Variants in OR3A2 observed in about 807,000 individuals in gnomAD.
OR3A2 encodes olfactory receptor family 3 subfamily A member 2, also known as olfactory receptor 3A2.
For missense variants in OR3A2, 318 were observed against 392.8 expected, an observed-to-expected ratio of 0.81 and a Z score of 1.61; for synonymous variants, 126 against 159.3, an observed-to-expected ratio of 0.79 and a Z score of 1.57.
chr17:3,379,074 G>A (rs1597366286), intron 2 of OR3A2, among the ~76,000 whole-genome samples: 1 of 152,168 alleles, frequency 6.6e-6, no homozygotes, highest in African/African-American at 2.4e-5. Context: ...ACACTCCTCA[G>A]AGATCAACAA....
chr17:3,367,255 T>C (rs1285423594), intron 2 of OR3A2, among the ~76,000 whole-genome samples: 1 of 152,166 alleles, frequency 6.6e-6, no homozygotes, highest in Non-Finnish European at 1.5e-5. Context: ...AAGGTGGTTT[T>C]TGGTTACATG....
chr17:3,286,054 A>C (rs2048807985), upstream of OR3A2, among the ~76,000 whole-genome samples: 2 of 152,010 alleles, frequency 1.3e-5, no homozygotes, highest in East Asian at 1.9e-4. Context: ...TCTTAATGCT[A>C]TCCCTCCCCT....
intron 2 of OR3A2, among the ~76,000 whole-genome samples, chr17:3,353,528 G>A (rs1005265398): frequency 2.6e-5 from 4 of 151,766 alleles, no homozygotes; most frequent in African/African-American, 9.7e-5. Flanking sequence ...TCATTATGTT[G>A]AGGTATTCTC....
intron 2 of OR3A2, among the ~76,000 whole-genome samples, chr17:3,376,114 G>A (rs898767161): frequency 1.3e-5 from 2 of 152,210 alleles, no homozygotes; most frequent in African/African-American, 4.8e-5. Flanking sequence ...GACAAACTCA[G>A]GATCTCTGGT....
chr17:3,299,066 G>T (rs1268783068), intron 3 of OR3A2, among the ~76,000 whole-genome samples: 1 of 152,134 alleles, frequency 6.6e-6, no homozygotes, highest in African/African-American at 2.4e-5. Flanking sequence ...TTAGTTTCAT[G>T]GGGGTAATTA....
chr17:3,326,586 G>A (rs894990554), intron 3 of OR3A2, among the ~76,000 whole-genome samples: 22 of 149,316 alleles, frequency 1.5e-4, no homozygotes, highest in East Asian at 9.8e-4. Context: ...AAGTTTTAGG[G>A]TACATATGCA....
At chr17:3,314,497 G>A (rs907332448) in intron 3 of OR3A2, among the ~76,000 whole-genome samples, 46 of 124,718 alleles carry the variant, frequency 3.7e-4, no homozygotes, top group African/African-American at 1.1e-3. Context: ...TGATGATGAT[G>A]TAAACATGTG....
chr17:3,339,454 G>A (rs535687834), intron 2 of OR3A2, among the ~76,000 whole-genome samples: 1 of 152,198 alleles, frequency 6.6e-6, no homozygotes, highest in African/African-American at 2.4e-5. Context: ...CGTTCCATCA[G>A]TACCTAGCTT....
At chr17:3,366,643 A>G (rs1475101777) in intron 2 of OR3A2, among the ~76,000 whole-genome samples, 2 of 152,186 alleles carry the variant, frequency 1.3e-5, no homozygotes, top group Non-Finnish European at 2.9e-5. Flanking sequence ...TGATTTTCCA[A>G]TTTGTTTCAT....
At chr17:3,302,573 T>A (rs138742522) in intron 3 of OR3A2, among the ~76,000 whole-genome samples, 2 of 152,346 alleles carry the variant, frequency 1.3e-5, no homozygotes, top group African/African-American at 2.4e-5. Context: ...ACACTGCTGG[T>A]GAGATCATAA....
intron 2 of OR3A2, among the ~76,000 whole-genome samples, chr17:3,361,491 C>T (rs972207257): frequency 2.0e-5 from 3 of 151,608 alleles, no homozygotes; most frequent in Non-Finnish European, 4.4e-5. Context: ...CTGTCTTGTG[C>T]CAGTTTTCAA....
intron 3 of OR3A2, among the ~76,000 whole-genome samples, chr17:3,330,504 G>T (rs146745869): frequency 6.6e-6 from 1 of 151,768 alleles, no homozygotes; most frequent in Non-Finnish European, 1.5e-5. Context: ...TTGGTTTAAA[G>T]TCTGATTTAT....
chr17:3,283,123 AT>A, intron 1 of OR3A2, among the ~76,000 whole-genome samples: 1 of 152,234 alleles, frequency 6.6e-6, no homozygotes, highest in East Asian at 1.9e-4. Context: ...TCACTTCTTT[AT>A]AGAGTCTGTC....
rs116934032 is a variant in OR3A2, at chr17:3,310,090, C to T, written c.-85+25943G>A. The T allele has an allele frequency of 2.8e-3, 887 of 318,280 alleles. 5 individuals carry two copies. In the East Asian group the frequency reaches 0.028, roughly 10 times the overall value. The allele number at this position is 318,280 out of a possible 1,614,324, so 19.7% of individuals were successfully genotyped here. A position where few individuals can be genotyped will look rare whatever the true frequency, so the allele number is the denominator to read the frequency against. Reference sequence around the variant, plus strand: ...GATCTCTGTTTGAGTCTGTCCAATGCCACTCTTGTTACCCATTAAGAGTCA... The same window carrying T: ...GATCTCTGTTTGAGTCTGTCCAATGTCACTCTTGTTACCCATTAAGAGTCA... On this transcript the variant is annotated intron_variant, in intron 3 of 4. Coordinates refer to the OR3A2 transcript ENST00000573491.
chr17:3,292,721 G>A (rs1255844602), intron 3 of OR3A2: 5 of 670,444 alleles, frequency 7.5e-6, no homozygotes, highest in South Asian at 2.0e-5. Flanking sequence ...GGAATTTTGC[G>A]CTCCTTAGGC....
chr17:3,318,516 C>G (rs973376233), intron 3 of OR3A2, among the ~76,000 whole-genome samples: 1 of 152,170 alleles, frequency 6.6e-6, no homozygotes, highest in African/African-American at 2.4e-5. Flanking sequence ...TTATCGAGAC[C>G]GCATTCCTCC....
At chr17:3,335,420 T>C (rs1042443489) in intron 3 of OR3A2, among the ~76,000 whole-genome samples, 3 of 152,198 alleles carry the variant, frequency 2.0e-5, no homozygotes, top group Non-Finnish European at 4.4e-5. Context: ...AAGAGGGATT[T>C]TTCCAATGAA....
In OR3A2 at chr17:3,340,430, C is replaced by T. The variant is rs1243369395; in HGVS notation, c.-178-4304G>A. Among the ~76,000 whole-genome samples the T allele has an allele frequency of 2.0e-5, 3 of 152,318 alleles. No individual in the cohort carries two copies. The South Asian group carries it at 6.2e-4, about 32-fold the overall frequency. On this transcript the variant is annotated intron_variant, in intron 2 of 4. Transcript: ENST00000573491. ...AGTGCTATAAATTTCCCTTTACACA[C>T]TGCTTTAAATGTGTCCCAGAGATTC...
chr17:3,294,737 C>G (rs1475838171), intron 3 of OR3A2, among the ~76,000 whole-genome samples: 1 of 152,050 alleles, frequency 6.6e-6, no homozygotes, highest in Non-Finnish European at 1.5e-5. Flanking sequence ...ATTAAGGTAG[C>G]ATATCATTTC....
Sources: gnomAD v4.1 joint callset for allele counts (sites outside exome capture counted in the v4.1 genomes callset) on GRCh38, gnomAD v4.1.1 for gene constraint, MANE v1.5 for transcripts, NCBI Gene and HGNC (gene_info 2026-07-23, HGNC 2026-07-21) for gene names.